Variants in LRBA observed in about 807,000 individuals in gnomAD.
LRBA encodes LPS responsive beige-like anchor protein, also known as lipopolysaccharide-responsive and beige-like anchor protein.
Under a neutral mutation model 330.0 loss-of-function variants are expected in LRBA, and 176 were observed. The ratio of observed to expected loss-of-function variants is 0.53; its 90% CI spans 0.47 to 0.60. The LOEUF (loss-of-function observed/expected upper bound fraction) is 0.60, where lower values mean the gene tolerates loss of function less well. Among genes scored for constraint, LRBA ranks in the 20% least tolerant of loss-of-function variants. The pLI is 0.00. For synonymous variants in LRBA, 1,230 were observed against 1,193.0 expected (o/e 1.03, Z -0.64); for missense variants, 3,259 against 3,444.8 (o/e 0.95, Z 1.35).
intron 36 of LRBA, among the ~76,000 whole-genome samples, chr4:150,700,693 T>TA (rs1322963109): frequency 3.4e-4 from 52 of 152,216 alleles, no homozygotes; most frequent in Non-Finnish European, 4.4e-4. Context: ...TAACACAGTT[T>TA]AAAATGCACA....
At chr4:150,301,109 G>A (rs1421605870) in intron 53 of LRBA, among the ~76,000 whole-genome samples, 3 of 151,938 alleles carry the variant, frequency 2.0e-5, no homozygotes, top group East Asian at 1.9e-4. Flanking sequence ...AGTGAATCTC[G>A]GTAACTGGAT....
At chr4:150,442,583 A>G (rs1333730333) in intron 44 of LRBA, among the ~76,000 whole-genome samples, 2 of 152,188 alleles carry the variant, frequency 1.3e-5, no homozygotes, top group Non-Finnish European at 2.9e-5. Flanking sequence ...CCTGCCTTAC[A>G]GTACTGAAGA....
chr4:150,805,560 G>A (rs1487024502), intron 33 of LRBA, among the ~76,000 whole-genome samples: 1 of 92,646 alleles, frequency 1.1e-5, no homozygotes, highest in African/African-American at 5.8e-5. Context: ...GGAAAGGAAA[G>A]GAAAGGAAAG....
chr4:150,487,388 A>G (rs916125726), intron 42 of LRBA, among the ~76,000 whole-genome samples: 27 of 151,364 alleles, frequency 1.8e-4, no homozygotes, highest in African/African-American at 6.3e-4. Context: ...CTTACAATAT[A>G]CACTTTTCTT....
At chr4:150,445,669 T>G (rs1332468344) in intron 44 of LRBA, among the ~76,000 whole-genome samples, 1 of 152,054 alleles carries the variant, frequency 6.6e-6, no homozygotes, top group African/African-American at 2.4e-5. Flanking sequence ...TTTAAAAATG[T>G]GTTTATTTAT....
At chr4:150,332,717 T>A (rs1734148237) in intron 48 of LRBA, among the ~76,000 whole-genome samples, 1 of 152,030 alleles carries the variant, frequency 6.6e-6, no homozygotes, top group Non-Finnish European at 1.5e-5. Context: ...ATTATTTCTG[T>A]AAATAGCCTG....
rs1345556680 is a variant in LRBA, at chr4:150,848,934, T to C, written c.4223A>G (p.Gln1408Arg). The C allele has an allele frequency of 1.2e-6, 2 of 1,611,956 alleles. No homozygotes were observed. The highest frequency in any genetic ancestry group is 1.7e-6 in the Non-Finnish European group (2 of 1,178,884). Residue 1408 changes from glutamine (Q) to arginine (R), a missense_variant, in exon 26 of 57, where the codon CAG becomes CGG. Transcript: ENST00000651943. Reference sequence around the variant, plus strand: ...CACATCCACAAGGCTAATTAGCCTCTGCAAAAATGTCACAGAGGCTTCTAT... The same window carrying C: ...CACATCCACAAGGCTAATTAGCCTCCGCAAAAATGTCACAGAGGCTTCTAT... ...LSIEASVTFL[Q>R]RLISLVDVLI... is the part of the protein sequence containing the mutation.
intron 36 of LRBA, among the ~76,000 whole-genome samples, chr4:150,718,057 C>T (rs532874466): frequency 6.6e-6 from 1 of 152,188 alleles, no homozygotes; most frequent in African/African-American, 2.4e-5. Context: ...ACAATGTTTA[C>T]AAGGTATGAT....
At chr4:150,389,612 G>A (rs1743597109) in intron 47 of LRBA, among the ~76,000 whole-genome samples, 1 of 145,962 alleles carries the variant, frequency 6.9e-6, no homozygotes, top group Non-Finnish European at 1.5e-5. Context: ...GGGAGGCTGA[G>A]GCTGCAGTGA....
At chr4:150,639,749 A>ATATATGTGTGTATG (rs1554070657) in intron 37 of LRBA, among the ~76,000 whole-genome samples, 85 of 3,434 alleles carry the variant, frequency 0.025, 35 homozygotes, top group Non-Finnish European at 0.073. Context: ...ATATATATAT[A>ATATATGTGTGTATG]TATATATATA....
intron 4 of LRBA, among the ~76,000 whole-genome samples, chr4:150,924,148 T>C (rs1733620550): frequency 6.6e-6 from 1 of 152,138 alleles, no homozygotes; most frequent in Non-Finnish European, 1.5e-5. Flanking sequence ...AAAGAATACA[T>C]TAAGATAAGC....
At chr4:150,495,139 G>C (rs1047805079) in intron 40 of LRBA, among the ~76,000 whole-genome samples, 4 of 152,030 alleles carry the variant, frequency 2.6e-5, no homozygotes, top group South Asian at 4.2e-4. Flanking sequence ...AAATTCACAC[G>C]CATAACGCTT....
At chr4:150,924,595 A>G (rs181717539) in intron 4 of LRBA, among the ~76,000 whole-genome samples, 371 of 152,306 alleles carry the variant, frequency 2.4e-3, no homozygotes, top group Non-Finnish European at 4.1e-3. Flanking sequence ...CACCAATGCA[A>G]TATTTCCACA....
At chr4:150,588,280 G>A (rs1006528175) in intron 39 of LRBA, 96 bp from the exon 40 acceptor site, 20 of 1,266,956 alleles carry the variant, frequency 1.6e-5, no homozygotes, top group East Asian at 4.9e-5. Context: ...TCATTCTCAC[G>A]TCTAGTACTG....
intron 40 of LRBA, among the ~76,000 whole-genome samples, chr4:150,515,528 A>G (rs1236676839): frequency 6.6e-6 from 1 of 152,166 alleles, no homozygotes; most frequent in Non-Finnish European, 1.5e-5. Flanking sequence ...TACAGCTAGT[A>G]AAACAGGGCC....
intron 47 of LRBA, among the ~76,000 whole-genome samples, chr4:150,410,589 T>C (rs1476984176): frequency 6.6e-6 from 1 of 152,156 alleles, no homozygotes; most frequent in African/African-American, 2.4e-5. Flanking sequence ...GAACGCTTCC[T>C]TTGCTATATT....
intron 30 of LRBA, among the ~76,000 whole-genome samples, chr4:150,827,951 C>T (rs1442337933): frequency 2.0e-5 from 3 of 152,060 alleles, no homozygotes; most frequent in African/African-American, 7.2e-5. Context: ...GCTTACCTTA[C>T]TGTAAGATTA....
At chr4:150,271,176 C>G (rs1185785768) in intron 56 of LRBA, among the ~76,000 whole-genome samples, 2 of 152,140 alleles carry the variant, frequency 1.3e-5, no homozygotes, top group African/African-American at 2.4e-5. Context: ...GCACTCTGGC[C>G]CAGATACTGC....
chr4:150,971,405 C>A (rs1739571289), intron 2 of LRBA, among the ~76,000 whole-genome samples: 1 of 152,164 alleles, frequency 6.6e-6, no homozygotes. Context: ...CAAAATCCTT[C>A]AGGGGTCTAG....
Sources: gnomAD v4.1 joint callset for allele counts (sites outside exome capture counted in the v4.1 genomes callset) on GRCh38, gnomAD v4.1.1 for gene constraint, MANE v1.5 for transcripts, NCBI Gene and HGNC (gene_info 2026-07-23, HGNC 2026-07-21) for gene names.